PTPDC1: variants seen among roughly 807,000 people sequenced by gnomAD.
PTPDC1 encodes the protein protein tyrosine phosphatase domain-containing protein 1.
PTPDC1 carries 53 observed loss-of-function variants against 75.3 expected under a neutral mutation model. The observed-to-expected ratio is 0.70, with a 90% confidence interval of 0.56 to 0.88. PTPDC1 has a LOEUF of 0.88. Among genes scored for constraint, PTPDC1 ranks in the 40% least tolerant of loss-of-function variants. The probability of loss-of-function intolerance (pLI) is 0.00; values close to 1 mark genes in which losing one functional copy is unlikely to be tolerated. For missense variants in PTPDC1, 925 were observed against 998.6 expected (o/e 0.93, Z 0.99); for synonymous variants, 349 against 366.2 (o/e 0.95, Z 0.54).
At chr9:94,089,032 G>A (rs536548530) in intron 4 of PTPDC1, among the ~76,000 whole-genome samples, 29 of 151,068 alleles carry the variant, frequency 1.9e-4, no homozygotes, top group African/African-American at 6.3e-4. Flanking sequence ...AGTTTCTGCA[G>A]GAAATGTCTT....
rs375354127 is a variant in PTPDC1, at chr9:94,101,767, G to A, written c.2199+16G>A. ...ATTAGAGAAGGTAAAGTGGCTGTAGGACCAGTTAATGACTGTAACTGAGGC... is the reference window on the plus strand; with the variant it reads ...ATTAGAGAAGGTAAAGTGGCTGTAGAACCAGTTAATGACTGTAACTGAGGC... On this transcript the variant is annotated intron_variant, in intron 7 of 8. Coordinates refer to ENST00000620992, the MANE Select transcript of PTPDC1 (RefSeq NM_001253829.2). 6.3e-6 allele frequency: 10 copies of A among 1,575,906 alleles called. No homozygotes were observed. Among genetic ancestry groups the A allele is most frequent in the Non-Finnish European group, 8.7e-6 (10 of 1,151,586 alleles).
chr9:94,097,487 C>T lies in PTPDC1; in HGVS notation c.921C>T (p.Cys307=), dbSNP rs780525682. 5 of 1,614,200 alleles carry T rather than the reference C, an allele frequency of 3.1e-6. No individual in the cohort carries two copies. The highest frequency in any genetic ancestry group is 1.6e-4 in the Middle Eastern group (1 of 6,062). Residue 307 remains cysteine, a synonymous_variant, in exon 6 of 9, where the codon TGC becomes TGT. Transcript: ENST00000620992. ...CTCCTCTCCGCAATATATTCTCTTGCTGTGATCCCAAAGCACATGCTGTCA... is the reference window on the plus strand; with the variant it reads ...CTCCTCTCCGCAATATATTCTCTTGTTGTGATCCCAAAGCACATGCTGTCA... ...FLTPLRNIFS[C]CDPKAHAVTL...
chr9:94,059,029 A>G (rs1362002028), intron 1 of PTPDC1, among the ~76,000 whole-genome samples: 1 of 152,206 alleles, frequency 6.6e-6, no homozygotes, highest in African/African-American at 2.4e-5. Context: ...TATATAAGAA[A>G]CATACTGTCC....
chr9:94,085,452 C>G (rs1380446125), intron 2 of PTPDC1, 30 bp downstream of exon 2: 1 of 1,611,278 alleles, frequency 6.2e-7, no homozygotes, highest in Non-Finnish European at 8.5e-7. Flanking sequence ...TTTCATAGCT[C>G]TGTTGGATAC....
In PTPDC1 at chr9:94,098,439, C is replaced by G. The variant is rs370679242; in HGVS notation, c.1873C>G (p.Leu625Val). The G allele has an allele frequency of 1.3e-5, 21 of 1,614,078 alleles. No homozygotes were observed. Among genetic ancestry groups the G allele is most frequent in the Non-Finnish European group, 1.7e-5 (20 of 1,180,042 alleles). Reference protein sequence around the residue: ...VEHETQDSKDLSEAASHSALQ... With the variant: ...VEHETQDSKDVSEAASHSALQ... ...ACATGAAACCCAGGACAGTAAAGAT[C>G]TGTCTGAAGCAGCTTCACACTCTGC... is the stretch of plus-strand genomic sequence containing the variant. The change falls in exon 6 of 9, where the codon CTG (leucine) becomes GTG (valine). Residue 625 changes from leucine (L) to valine (V), a missense_variant. By Grantham distance (32) the Leu-to-Val change is conservative. Coordinates refer to ENST00000620992, the MANE Select transcript of PTPDC1 (RefSeq NM_001253829.2).
chr9:94,101,608 G>C lies in PTPDC1; in HGVS notation c.2056G>C (p.Gly686Arg). The C allele has an allele frequency of 6.2e-7, 1 of 1,613,458 alleles. No homozygotes were observed. Among genetic ancestry groups the C allele is most frequent in the Non-Finnish European group, 8.5e-7 (1 of 1,179,610 alleles). ...AGATGGAGCTTGGGAAAGAATATGT[G>C]GCGAGAGGGACCCTTTCATCCTATG... ...SRDGAWERIC[G>R]ERDPFILCSL... Residue 686 changes from glycine (G) to arginine (R), a missense_variant, in exon 7 of 9, where the codon GGC (glycine) becomes CGC (arginine). Gly to Arg is a moderately radical substitution (Grantham distance 125). Coordinates refer to ENST00000620992, the MANE Select transcript of PTPDC1 (RefSeq NM_001253829.2).
chr9:94,034,492 A>G (rs1368980790), intron 1 of PTPDC1, among the ~76,000 whole-genome samples: 2 of 152,306 alleles, frequency 1.3e-5, no homozygotes, highest in African/African-American at 4.8e-5. Flanking sequence ...AGATCATGCC[A>G]CTGCACTCCA....
rs1238954041 is a variant in PTPDC1 at position 94,104,290 on chromosome 9, A to G, written c.2215A>G (p.Ile739Val). ...FLLEKGQHQT[I>V]LCVLHCIVNL... The stretch of plus-strand genomic sequence containing the variant: ...ACAAAAACAGGGACAGCACCAGACT[A>G]TTCTCTGCGTGTTGCACTGCATAGT... The change falls in exon 8 of 9, where the codon ATT becomes GTT. Residue 739 changes from isoleucine (I) to valine (V), a missense_variant. Coordinates refer to ENST00000620992, the MANE Select transcript of PTPDC1 (RefSeq NM_001253829.2). The G allele has an allele frequency of 6.2e-7, 1 of 1,613,322 alleles. No homozygotes were observed. Among genetic ancestry groups the G allele is most frequent in the Non-Finnish European group, 8.5e-7 (1 of 1,179,518 alleles).
At chr9:94,106,704 A>T (rs1828034155) in intron 8 of PTPDC1, among the ~76,000 whole-genome samples, 1 of 152,162 alleles carries the variant, frequency 6.6e-6, no homozygotes, top group Non-Finnish European at 1.5e-5. Flanking sequence ...GTCAAAATTT[A>T]TCAGAGAGGG....
intron 6 of PTPDC1, chr9:94,101,317 C>G (rs1035345986): frequency 8.5e-6 from 3 of 352,296 alleles, no homozygotes; most frequent in African/African-American, 4.2e-5. Context: ...CTCAGTCAAT[C>G]AGCCCAACAG....
At position 94,098,121 on chromosome 9, in the gene PTPDC1, G is replaced by A; in HGVS notation, c.1555G>A (p.Glu519Lys). ...FWSQSKFGGL[E>K]GLKDNGSPIF... ...GAGTCAGTCAAAGTTTGGAGGCCTG[G>A]AAGGACTCAAAGATAATGGGTCACC... is the stretch of plus-strand genomic sequence containing the variant. The change falls in exon 6 of 9, where the codon GAA becomes AAA. Residue 519 changes from glutamate to lysine, a missense_variant. Transcript: ENST00000620992. 2 of 1,614,208 alleles carry A rather than the reference G, an allele frequency of 1.2e-6. No homozygotes were observed. The highest frequency in any genetic ancestry group is 1.7e-6 in the Non-Finnish European group (2 of 1,180,038).
intron 1 of PTPDC1, among the ~76,000 whole-genome samples, chr9:94,052,370 G>T (rs1348916616): frequency 6.6e-6 from 1 of 152,026 alleles, no homozygotes; most frequent in African/African-American, 2.4e-5. Context: ...GTTCAGGTGT[G>T]TTTTATGTCC....
In PTPDC1 at chr9:94,097,470, C is replaced by T. The variant is rs760421150; in HGVS notation, c.904C>T (p.Arg302Cys). The T allele has an allele frequency of 2.4e-5, 39 of 1,614,052 alleles. No homozygotes were observed. The highest frequency in any genetic ancestry group is 6.7e-5 in the Admixed American group (4 of 60,000). ...REFTQFLTPL[R>C]NIFSCCDPKA... ...ATTTACTCAGTTTCTAACTCCTCTC[C>T]GCAATATATTCTCTTGCTGTGATCC... Residue 302 changes from arginine to cysteine, a missense_variant, in exon 6 of 9, where the codon CGC (arginine) becomes TGC (cysteine). Transcript: ENST00000620992.
chr9:94,104,259 A>T lies in PTPDC1; in HGVS notation c.2200-16A>T. On this transcript the variant is annotated splice_polypyrimidine_tract_variant and intron_variant, in intron 7 of 8. Coordinates refer to ENST00000620992, the MANE Select transcript of PTPDC1 (RefSeq NM_001253829.2). ...TTTTTGAAAAATTTTTTAAATTTTG[A>T]TTTCTACAAAAACAGGGACAGCACC... The T allele has an allele frequency of 6.3e-7, 1 of 1,582,872 alleles. No homozygotes were observed. The highest frequency in any genetic ancestry group is 8.6e-7 in the Non-Finnish European group (1 of 1,156,800).
rs1017691604 is a variant in PTPDC1, at chr9:94,053,313, G to GT, written c.-6-11411dup. Among the ~76,000 whole-genome samples the GT allele has an allele frequency of 6.7e-4, 99 of 147,008 alleles. 1 individual carries two copies. Among genetic ancestry groups the GT allele is most frequent in the East Asian group, 1.6e-3 (8 of 5,034 alleles). On this transcript the variant is annotated intron_variant, in intron 1 of 9. Coordinates refer to the PTPDC1 transcript ENST00000375360. ...TTGAGGGGTCTGAAAAAAGAAAAGG[G>GT]TTTTTTTTTTAATGTTGCCTGGCTT...
intron 2 of PTPDC1, among the ~76,000 whole-genome samples, chr9:94,068,489 C>T (rs1826397552): frequency 6.6e-6 from 1 of 152,066 alleles, no homozygotes; most frequent in African/African-American, 2.4e-5. Context: ...AGAAGGGTCA[C>T]AGATAACACA....
intron 7 of PTPDC1, 104 bp downstream of exon 7, chr9:94,101,855 C>A: frequency 1.6e-6 from 1 of 615,008 alleles, no homozygotes; most frequent in Non-Finnish European, 2.7e-6. Flanking sequence ...CACAGAATCC[C>A]AAATCTAGAT....
intron 1 of PTPDC1, among the ~76,000 whole-genome samples, chr9:94,031,910 A>G (rs1385483768): frequency 6.6e-6 from 1 of 152,214 alleles, no homozygotes; most frequent in East Asian, 1.9e-4. Flanking sequence ...TGAGAACCGG[A>G]AAACTCCGAG....
intron 1 of PTPDC1, among the ~76,000 whole-genome samples, chr9:94,036,161 C>T (rs1234735330): frequency 6.7e-6 from 1 of 149,888 alleles, no homozygotes; most frequent in Non-Finnish European, 1.5e-5. Flanking sequence ...GTTGATTCTT[C>T]CCTTTGCTGT....
Sources: gnomAD v4.1 joint callset for allele counts (sites outside exome capture counted in the v4.1 genomes callset) on GRCh38, gnomAD v4.1.1 for gene constraint, MANE v1.5 for transcripts, NCBI Gene and HGNC (gene_info 2026-07-23, HGNC 2026-07-21) for gene names.